The following SLC37A1 variants were observed in gnomAD, a reference collection of about 807,000 sequenced individuals.
SLC37A1 encodes glucose-6-phosphate exchanger SLC37A1.
In SLC37A1, 49 loss-of-function variants were observed where a neutral mutation model predicts 75.3. The observed-to-expected ratio is 0.65, with a 90% CI of 0.52 to 0.83. SLC37A1 has a LOEUF of 0.83. Ranked by LOEUF, SLC37A1 falls within the 40% of genes least tolerant of loss-of-function variation. The pLI is 0.00. For missense variants in SLC37A1, 566 were observed against 695.0 expected, an observed-to-expected ratio of 0.81 and a Z score of 2.09; for synonymous variants, 268 against 292.1, an observed-to-expected ratio of 0.92 and a Z score of 0.84.
upstream of SLC37A1, among the ~76,000 whole-genome samples, chr21:42,510,693 C>A (rs2054424692): frequency 6.6e-6 from 1 of 151,852 alleles, no homozygotes; most frequent in South Asian, 2.1e-4. Flanking sequence ...CAAATGGTTA[C>A]CAAATAGAGA....
In SLC37A1 at chr21:42,514,966, G is replaced by C. The variant is rs1253369460; in HGVS notation, c.-179+249G>C. The C allele has an allele frequency of 6.6e-6, 1 of 152,216 alleles. No individual in the cohort carries two copies. Among genetic ancestry groups the C allele is most frequent in the Non-Finnish European group, 1.5e-5 (1 of 68,064 alleles). 9.4% of individuals were successfully genotyped at this position (152,216 alleles called of 1,614,324 possible). A position where few individuals can be genotyped will look rare whatever the true frequency, so the allele number is the denominator to read the frequency against. On this transcript the variant is annotated intron_variant, in intron 1 of 19. Transcript: ENST00000352133. The surrounding 1 kb of genome is among the most constrained non-coding windows in gnomAD (Gnocchi z 4.8). Reference sequence around the variant, plus strand: ...TGGATAAATATTTTAGACTTCCCCCGTTGTTTTTTTATTAATCCCCTTTGA... The same window carrying C: ...TGGATAAATATTTTAGACTTCCCCCCTTGTTTTTTTATTAATCCCCTTTGA...
intron 10 of SLC37A1, among the ~76,000 whole-genome samples, chr21:42,557,261 G>A (rs933104918): frequency 1.3e-5 from 2 of 152,254 alleles, no homozygotes; most frequent in African/African-American, 4.8e-5. Context: ...TGCTATGAGT[G>A]GAACTCGCCT....
intron 2 of SLC37A1, among the ~76,000 whole-genome samples, chr21:42,520,876 A>G (rs2054631912): frequency 6.6e-6 from 1 of 152,238 alleles, no homozygotes; most frequent in Admixed American, 6.5e-5. Flanking sequence ...ACTTACAAAC[A>G]AAGGGACTCT....
intron 2 of SLC37A1, among the ~76,000 whole-genome samples, chr21:42,522,093 C>T (rs573670769): frequency 2.0e-5 from 3 of 152,332 alleles, no homozygotes; most frequent in South Asian, 2.1e-4. Flanking sequence ...CTTCCTGTCT[C>T]TGAGTCTTTG....
rs1272476395 is a variant in SLC37A1 at position 42,514,466 on chromosome 21, T to A, written c.-430T>A. The A allele has an allele frequency of 6.6e-6, 1 of 152,146 alleles. No homozygotes were observed. 9.4% of individuals were successfully genotyped at this position (152,146 alleles called of 1,614,324 possible). A position where few individuals can be genotyped will look rare whatever the true frequency, so the allele number is the denominator to read the frequency against. ...CGTGGGCGTGCCCGCGGAATTCACC[T>A]CCTCCGGGGACCAGCCGCCCAGGGA... On this transcript the variant is annotated 5_prime_UTR_variant, in exon 1 of 20. Coordinates refer to ENST00000352133, the MANE Select transcript of SLC37A1 (RefSeq NM_001320537.2). The surrounding 1 kb of genome is among the most constrained non-coding windows in gnomAD (Gnocchi z 4.8).
Position 42,518,466 on chromosome 21 carries a change from C to G in SLC37A1, c.12C>G (p.Leu4=). MAR[L]PAGIRFIISF... is the part of the protein sequence containing the mutation. Reference sequence around the variant, plus strand: ...CAGTGGCGACGTAAATGGCTCGACTCCCCGCTGGCATTCGCTTCATCATCT... The same window carrying G: ...CAGTGGCGACGTAAATGGCTCGACTGCCCGCTGGCATTCGCTTCATCATCT... The change falls in exon 2 of 20, where the codon CTC becomes CTG. Residue 4 remains leucine (L), a synonymous_variant. Transcript: ENST00000352133. 1 of 1,614,150 alleles carries G rather than the reference C, an allele frequency of 6.2e-7. No homozygotes were observed. Among genetic ancestry groups the G allele is most frequent in the Non-Finnish European group, 8.5e-7 (1 of 1,180,026 alleles).
At chr21:42,538,952 T>C (rs1224054736) in intron 5 of SLC37A1, among the ~76,000 whole-genome samples, 1 of 152,194 alleles carries the variant, frequency 6.6e-6, no homozygotes, top group African/African-American at 2.4e-5. Flanking sequence ...AGAGCAAATC[T>C]TCTGCCTTTA....
At chr21:42,504,869 G>T (rs1383613796) in intron 2 of SLC37A1, among the ~76,000 whole-genome samples, 16 of 152,162 alleles carry the variant, frequency 1.1e-4, no homozygotes, top group Non-Finnish European at 2.4e-4. Context: ...CTTGCTACCG[G>T]TTTACTAAGC....
At chr21:42,577,533 CCAGTA>C (rs2056334194) in intron 18 of SLC37A1, among the ~76,000 whole-genome samples, 2 of 152,134 alleles carry the variant, frequency 1.3e-5, no homozygotes, top group Non-Finnish European at 2.9e-5. Flanking sequence ...AATGAGAGTT[CCAGTA>C]CACTGCAGTT....
At chr21:42,577,663 A>G (rs2056337017) in intron 18 of SLC37A1, among the ~76,000 whole-genome samples, 1 of 152,226 alleles carries the variant, frequency 6.6e-6, no homozygotes, top group South Asian at 2.1e-4. Flanking sequence ...AAAACAGGGT[A>G]AATACAGAAA....
rs138127060 is a variant in SLC37A1 at position 42,557,985 on chromosome 21, G to A, written c.850-973G>A. On this transcript the variant is annotated intron_variant, in intron 10 of 19. Coordinates refer to ENST00000352133, the MANE Select transcript of SLC37A1 (RefSeq NM_001320537.2). The stretch of plus-strand genomic sequence containing the variant: ...TCTTTTTTGAGACAGGGTCTTGCCC[G>A]GGCTGAAGGACAGCCGCACAATCAC... Among the ~76,000 whole-genome samples, 148 of 151,992 alleles carry A rather than the reference G, an allele frequency of 9.7e-4. 1 individual carries two copies. The East Asian group carries it at 0.015, about 15-fold the overall frequency.
intron 6 of SLC37A1, among the ~76,000 whole-genome samples, chr21:42,541,956 G>C (rs541960322): frequency 3.5e-4 from 54 of 152,238 alleles, no homozygotes; most frequent in African/African-American, 1.2e-3. Flanking sequence ...TGCCCAGGCT[G>C]GTCTCAAATT....
intron 3 of SLC37A1, among the ~76,000 whole-genome samples, chr21:42,530,654 A>ACCCCCCCCCC (rs1555882111): frequency 2.8e-5 from 1 of 35,896 alleles, no homozygotes; most frequent in Non-Finnish European, 5.2e-5. Context: ...ACACACACAC[A>ACCCCCCCCCC]CCCCCTCTGT....
At chr21:42,578,010 G>A (rs2056343222) in intron 18 of SLC37A1, among the ~76,000 whole-genome samples, 1 of 152,194 alleles carries the variant, frequency 6.6e-6, no homozygotes, top group South Asian at 2.1e-4. Flanking sequence ...GCTTGAGTTG[G>A]GCTTTTCAAA....
chr21:42,553,403 C>A (rs1292092220), intron 9 of SLC37A1, among the ~76,000 whole-genome samples: 1 of 152,230 alleles, frequency 6.6e-6, no homozygotes, highest in Non-Finnish European at 1.5e-5. Context: ...AGAATTTCAA[C>A]AATTATTTTT....
intron 5 of SLC37A1, 25 bp downstream of exon 5, chr21:42,535,575 C>G (rs749935978): frequency 6.2e-7 from 1 of 1,600,936 alleles, no homozygotes; most frequent in South Asian, 1.1e-5. Flanking sequence ...GTTTTCCAGA[C>G]CCTTCCTGGT....
chr21:42,567,733 G>T (rs1298967062), intron 16 of SLC37A1, among the ~76,000 whole-genome samples: 1 of 152,010 alleles, frequency 6.6e-6, no homozygotes, highest in African/African-American at 2.4e-5. Flanking sequence ...AGGCTTCTAG[G>T]CACTGTTTCC....
At chr21:42,528,637 C>G (rs919651031) in intron 3 of SLC37A1, among the ~76,000 whole-genome samples, 1 of 152,094 alleles carries the variant, frequency 6.6e-6, no homozygotes, top group Admixed American at 6.5e-5. Flanking sequence ...ACCAAACTGG[C>G]CAACATAGTG....
chr21:42,507,143 A>G (rs982083542), intron 2 of SLC37A1, among the ~76,000 whole-genome samples: 1 of 152,216 alleles, frequency 6.6e-6, no homozygotes, highest in Non-Finnish European at 1.5e-5. Context: ...TTGGCCTCCG[A>G]AAGTGCTGGG....
Sources: allele counts gnomAD v4.1 joint callset (sites outside exome capture counted in the v4.1 genomes callset), GRCh38; gene constraint gnomAD v4.1.1; non-coding constraint Gnocchi (gnomAD v3.1); transcripts MANE v1.5; gene names NCBI Gene and HGNC (gene_info 2026-07-23, HGNC 2026-07-21).